Variants in SDK1 observed in about 807,000 individuals in gnomAD.
SDK1 encodes the protein sidekick cell adhesion molecule 1, also known as protein sidekick-1.
In SDK1, 157 loss-of-function variants were observed where a neutral mutation model predicts 245.5. The observed-to-expected ratio is 0.64, with a 90% CI of 0.56 to 0.73. SDK1 has a LOEUF of 0.73. Among genes scored for constraint, SDK1 ranks in the 30% least tolerant of loss-of-function variants. The probability of loss-of-function intolerance (pLI) is 0.00; values close to 1 mark genes in which losing one functional copy is unlikely to be tolerated. For missense variants in SDK1, 3,583 were observed against 3,002.3 expected, an observed-to-expected ratio of 1.19 and a Z score of -4.52; for synonymous variants, 1,647 against 1,278.5, an observed-to-expected ratio of 1.29 and a Z score of -6.15.
intron 4 of SDK1, among the ~76,000 whole-genome samples, chr7:3,797,283 C>G (rs897709413): frequency 9.9e-5 from 15 of 152,238 alleles, no homozygotes; most frequent in Middle Eastern, 6.8e-3. Flanking sequence ...ACACCCGTCC[C>G]ATATATACCT....
intron 14 of SDK1, among the ~76,000 whole-genome samples, chr7:4,006,742 G>C (rs1403091771): frequency 6.6e-6 from 1 of 152,230 alleles, no homozygotes; most frequent in African/African-American, 2.4e-5. Flanking sequence ...TATAGCTGCA[G>C]CAGGACTGGG....
intron 42 of SDK1, among the ~76,000 whole-genome samples, chr7:4,241,121 C>G (rs1786490244): frequency 2.6e-5 from 4 of 152,058 alleles, no homozygotes; most frequent in Non-Finnish European, 5.9e-5. Flanking sequence ...TAAATTTACT[C>G]TTTTTTGAAG....
chr7:3,577,290 A>G (rs1022019082), intron 1 of SDK1, among the ~76,000 whole-genome samples: 17 of 152,080 alleles, frequency 1.1e-4, no homozygotes, highest in African/African-American at 4.1e-4. Context: ...GCGCTCTGAG[A>G]TTGGTTCTGT....
intron 1 of SDK1, among the ~76,000 whole-genome samples, chr7:3,470,753 C>T (rs1781159566): frequency 6.6e-6 from 1 of 152,138 alleles, no homozygotes; most frequent in Non-Finnish European, 1.5e-5. Context: ...TTTCCGAAAT[C>T]CCAGGCTTTT....
intron 4 of SDK1, among the ~76,000 whole-genome samples, chr7:3,690,882 CT>C (rs1784421774): frequency 6.6e-6 from 1 of 152,158 alleles, no homozygotes; most frequent in South Asian, 2.1e-4. Context: ...TCTCAAAACA[CT>C]TCAGAAATAA....
intron 1 of SDK1, among the ~76,000 whole-genome samples, chr7:3,511,103 G>A (rs1782564618): frequency 6.6e-6 from 1 of 152,178 alleles, no homozygotes; most frequent in African/African-American, 2.4e-5. Context: ...TGAGAGTAGA[G>A]CCAGCAGGAT....
rs190937376 is a variant in SDK1 at position 4,091,260 on chromosome 7, T to A, written c.3324+11676T>A. The stretch of plus-strand genomic sequence containing the variant: ...TTTTCTATATCTACAAAGGCAATGA[T>A]CCTTACTGGGGCATTCTGTCTCACA... On this transcript the variant is annotated intron_variant, in intron 22 of 44. Transcript: ENST00000404826. Among the ~76,000 whole-genome samples the A allele has an allele frequency of 4.7e-4, 72 of 152,062 alleles. 1 individual carries two copies. In the South Asian group the frequency reaches 9.4e-3, roughly 20 times the overall value.
intron 1 of SDK1, among the ~76,000 whole-genome samples, chr7:3,460,640 T>G (rs76824706): frequency 0.011 from 1,619 of 152,322 alleles, 34 homozygotes; most frequent in African/African-American, 0.036. Flanking sequence ...ACCCTTATTT[T>G]ATAGGTTCTA....
chr7:3,672,759 T>TTATATATATATATATATATATATA (rs60760676), intron 4 of SDK1, among the ~76,000 whole-genome samples: 3 of 50,736 alleles, frequency 5.9e-5, no homozygotes, highest in African/African-American at 1.7e-4. Context: ...ATATATAATT[T>TTATATATATATATATATATATATA]TATATATATA....
intron 1 of SDK1, among the ~76,000 whole-genome samples, chr7:3,509,477 G>T (rs1782505645): frequency 6.6e-6 from 1 of 152,168 alleles, no homozygotes; most frequent in Admixed American, 6.5e-5. Flanking sequence ...ATTAAAGGGT[G>T]CCTGGCACGT....
intron 35 of SDK1, among the ~76,000 whole-genome samples, chr7:4,194,939 C>T (rs984137079): frequency 1.1e-4 from 16 of 152,158 alleles, no homozygotes; most frequent in African/African-American, 1.4e-4. Context: ...TTAGTGTAAT[C>T]GGTTAGCTAG....
At chr7:4,100,140 G>T (rs1398163180) in intron 22 of SDK1, among the ~76,000 whole-genome samples, 1 of 152,278 alleles carries the variant, frequency 6.6e-6, no homozygotes, top group South Asian at 2.1e-4. Context: ...ATATTAGCAG[G>T]GAATCACCCA....
intron 1 of SDK1, among the ~76,000 whole-genome samples, chr7:3,546,842 T>C (rs142927726): frequency 2.0e-5 from 3 of 152,310 alleles, no homozygotes; most frequent in Admixed American, 6.5e-5. Context: ...CGTTAGAGTT[T>C]ATGAAGTTAA....
intron 1 of SDK1, among the ~76,000 whole-genome samples, chr7:3,534,722 G>T (rs1201400811): frequency 1.3e-5 from 2 of 152,172 alleles, no homozygotes; most frequent in Admixed American, 1.3e-4. Context: ...GATAGTGAGG[G>T]TATGGAAGTC....
intron 4 of SDK1, among the ~76,000 whole-genome samples, chr7:3,644,366 G>T (rs963778022): frequency 2.6e-5 from 4 of 151,348 alleles, no homozygotes; most frequent in Admixed American, 6.6e-5. Context: ...AGTTACTTAG[G>T]TATCCACCTT....
chr7:4,165,613 C>A (rs929356175), intron 32 of SDK1, among the ~76,000 whole-genome samples: 1 of 152,084 alleles, frequency 6.6e-6, no homozygotes. Context: ...CCTCAGCCTT[C>A]TAAGTAGCTG....
intron 35 of SDK1, among the ~76,000 whole-genome samples, chr7:4,180,305 G>A (rs1264778447): frequency 6.6e-6 from 1 of 150,500 alleles, no homozygotes; most frequent in African/African-American, 2.5e-5. Context: ...CCTGTGCCTG[G>A]CTCCAGCTCT....
chr7:4,176,301 A>G (rs1299410197), intron 34 of SDK1, among the ~76,000 whole-genome samples: 3 of 151,810 alleles, frequency 2.0e-5, no homozygotes, highest in Non-Finnish European at 4.4e-5. Flanking sequence ...AGCTGGGACT[A>G]TAGGCTCATG....
At chr7:4,185,788 A>C (rs1393393611) in intron 35 of SDK1, among the ~76,000 whole-genome samples, 1 of 152,012 alleles carries the variant, frequency 6.6e-6, no homozygotes, top group African/African-American at 2.4e-5. Flanking sequence ...AGAACATAGA[A>C]AACATTCTGA....
Sources: gnomAD v4.1 joint callset for allele counts (sites outside exome capture counted in the v4.1 genomes callset) on GRCh38, gnomAD v4.1.1 for gene constraint, MANE v1.5 for transcripts, NCBI Gene and HGNC (gene_info 2026-07-23, HGNC 2026-07-21) for gene names.